Variants in ZNF487 observed in about 807,000 individuals in gnomAD.
ZNF487 encodes the protein KRAB domain only 1.
In ZNF487, 4 loss-of-function variants were observed where a neutral mutation model predicts 3.0. The ratio of observed to expected loss-of-function variants is 1.35; its 90% CI spans 0.66 to 3.08. The LOEUF (loss-of-function observed/expected upper bound fraction) is 3.08, where lower values mean the gene tolerates loss of function less well. ZNF487 is among the 30% of genes most tolerant of loss of function. The pLI is 0.01. For missense variants in ZNF487, 146 were observed against 98.7 expected (o/e 1.48, Z -2.03); for synonymous variants, 55 against 34.6 (o/e 1.59, Z -2.06).
rs1300494228 is a variant in ZNF487, at chr10:43,482,920, G to A, written c.*998G>A. The A allele has an allele frequency of 1.3e-5, 7 of 532,074 alleles. No individual in the cohort carries two copies. The highest frequency in any genetic ancestry group is 2.3e-5 in the Non-Finnish European group (6 of 259,388). 33.0% of individuals were successfully genotyped at this position (532,074 alleles called of 1,614,324 possible). A position where few individuals can be genotyped will look rare whatever the true frequency, so the allele number is the denominator to read the frequency against. ...CACACAGGAGAGAAACCCTATGCATGTAGTGAATGTGGGAAAACCTTCTAC... is the reference window on the plus strand; with the variant it reads ...CACACAGGAGAGAAACCCTATGCATATAGTGAATGTGGGAAAACCTTCTAC... On this transcript the variant is annotated 3_prime_UTR_variant, in exon 4 of 4. Coordinates refer to ENST00000437590, the MANE Select transcript of ZNF487 (RefSeq NM_001355444.3).
chr10:43,521,662 A>G, the ZNF487 span, among the ~76,000 whole-genome samples: 1 of 152,180 alleles, frequency 6.6e-6, no homozygotes, highest in Non-Finnish European at 1.5e-5. Flanking sequence ...GTTTACAAAT[A>G]AGTTTTAATG....
chr10:43,477,327 TG>T (rs1406741591), intron 3 of ZNF487, among the ~76,000 whole-genome samples: 1 of 151,968 alleles, frequency 6.6e-6, no homozygotes, highest in South Asian at 2.1e-4. Flanking sequence ...CCCTAGTAGT[TG>T]GGACCATAGG....
the ZNF487 span, among the ~76,000 whole-genome samples, chr10:43,515,429 G>A: frequency 6.6e-6 from 1 of 152,184 alleles, no homozygotes; most frequent in Admixed American, 6.5e-5. Context: ...TCAGGGAGGG[G>A]ATGTTGCCAC....
At chr10:43,452,305 T>C (rs74137732) in intron 1 of ZNF487, 5,186 of 152,292 alleles carry the variant, frequency 0.034, 112 homozygotes, top group South Asian at 0.041. Context: ...GTTCAAGCCA[T>C]GCAGGCCCCA....
chr10:43,484,489 C>G (rs1841453567), downstream of ZNF487, among the ~76,000 whole-genome samples: 1 of 151,982 alleles, frequency 6.6e-6, no homozygotes, highest in Admixed American at 6.6e-5. Context: ...CACCTATAAT[C>G]TCAGCTACTC....
intron 1 of ZNF487, among the ~76,000 whole-genome samples, chr10:43,450,793 C>T (rs963324085): frequency 6.6e-6 from 1 of 152,068 alleles, no homozygotes; most frequent in Admixed American, 6.6e-5. Context: ...TATAAAATAA[C>T]AGTAGATACC....
chr10:43,518,248 CT>C, the ZNF487 span, among the ~76,000 whole-genome samples: 1 of 152,174 alleles, frequency 6.6e-6, no homozygotes, highest in South Asian at 2.1e-4. Context: ...CAGTGGTGAG[CT>C]TTTGGAAAAG....
the ZNF487 span, among the ~76,000 whole-genome samples, chr10:43,513,067 T>G: frequency 6.6e-6 from 1 of 152,260 alleles, no homozygotes; most frequent in Non-Finnish European, 1.5e-5. Flanking sequence ...TACTTCTTGC[T>G]CACTGGATCC....
the ZNF487 span, among the ~76,000 whole-genome samples, chr10:43,509,304 G>T: frequency 3.0e-5 from 2 of 65,774 alleles, no homozygotes; most frequent in African/African-American, 7.1e-5. Flanking sequence ...TGTGAATAGT[G>T]CCTCATGGTG....
At position 43,481,580 on chromosome 10, in the gene ZNF487, A is replaced by G. The variant is rs1015205921; in HGVS notation, c.282A>G (p.Leu94=). 4.3e-6 allele frequency: 3 copies of G among 700,220 alleles called. No individual in the cohort carries two copies. Among genetic ancestry groups the G allele is most frequent in the South Asian group, 1.6e-5 (1 of 63,678 alleles). The allele number at this position is 700,220 out of a possible 1,614,324, so 43.4% of individuals were successfully genotyped here. A position where few individuals can be genotyped will look rare whatever the true frequency, so the allele number is the denominator to read the frequency against. Residue 94 remains leucine (L), a synonymous_variant, in exon 4 of 4, where the codon CTA becomes CTG. Transcript: ENST00000437590. ...TTTCTCTTGACACAAACCCCATTCTATCAAGAAAAATACGTGGCAACTGTG... is the reference window on the plus strand; with the variant it reads ...TTTCTCTTGACACAAACCCCATTCTGTCAAGAAAAATACGTGGCAACTGTG... ...KTFSLDTNPI[L]SRKIRGNCDS...
chr10:43,443,408 C>T (rs1285636656), intron 1 of ZNF487, among the ~76,000 whole-genome samples: 1 of 142,302 alleles, frequency 7.0e-6, no homozygotes, highest in African/African-American at 2.6e-5. Context: ...GAGTCTTGCT[C>T]TGTCACCCAG....
intron 1 of ZNF487, among the ~76,000 whole-genome samples, chr10:43,468,679 C>CAAAAA: frequency 2.8e-5 from 1 of 36,044 alleles, no homozygotes; most frequent in Non-Finnish European, 4.8e-5. Context: ...AACTCTGTCT[C>CAAAAA]AAAAAAAAAA....
the ZNF487 span, among the ~76,000 whole-genome samples, chr10:43,495,403 C>A: frequency 6.6e-6 from 1 of 151,992 alleles, no homozygotes; most frequent in East Asian, 1.9e-4. Context: ...GCCGCCACAC[C>A]CAGCTAATTT....
upstream of ZNF487, chr10:43,436,930 G>C: frequency 2.1e-6 from 1 of 467,646 alleles, no homozygotes; most frequent in Non-Finnish European, 4.4e-6. Flanking sequence ...CCTGAAGAAG[G>C]CTGGGGTAAG....
intron 1 of ZNF487, among the ~76,000 whole-genome samples, chr10:43,448,995 G>GAAAAAA (rs928786631): frequency 3.6e-4 from 20 of 56,324 alleles, no homozygotes; most frequent in African/African-American, 8.5e-4. Context: ...ACCTGTCTCC[G>GAAAAAA]AAAAAAAAAA....
the ZNF487 span, among the ~76,000 whole-genome samples, chr10:43,500,126 C>T: frequency 7.2e-5 from 11 of 152,252 alleles, no homozygotes; most frequent in South Asian, 2.1e-4. Flanking sequence ...CCGCCTGCCT[C>T]GGCCTCCCAA....
the ZNF487 span, among the ~76,000 whole-genome samples, chr10:43,490,491 G>T: frequency 1.4e-4 from 20 of 143,140 alleles, no homozygotes; most frequent in African/African-American, 5.2e-4. Flanking sequence ...TTTTCCTGAA[G>T]TAGCTCTACT....
At chr10:43,466,181 A>AGAGGGAGAGGGAGACCGTAGG (rs1840695997) in intron 1 of ZNF487, among the ~76,000 whole-genome samples, 3 of 135,392 alleles carry the variant, frequency 2.2e-5, no homozygotes, top group African/African-American at 5.6e-5. Context: ...GACCGTGGAA[A>AGAGGGAGAGGGAGACCGTAGG]GAGAGGGAGA....
chr10:43,497,906 G>T, the ZNF487 span, among the ~76,000 whole-genome samples: 1 of 149,460 alleles, frequency 6.7e-6, no homozygotes, highest in African/African-American at 2.5e-5. Flanking sequence ...GGCAGAGCTT[G>T]CAGCGAGCCG....
Sources: allele counts gnomAD v4.1 joint callset (sites outside exome capture counted in the v4.1 genomes callset), GRCh38; gene constraint gnomAD v4.1.1; transcripts MANE v1.5; gene names NCBI Gene and HGNC (gene_info 2026-07-23, HGNC 2026-07-21).